The following CEP128 variants were observed in gnomAD, a reference collection of about 807,000 sequenced individuals.
CEP128 encodes centrosomal protein 128.
CEP128 carries 132 observed loss-of-function variants against 156.7 expected under a neutral mutation model. That is an observed-to-expected ratio of 0.84 (90% CI 0.73 to 0.97). CEP128 has a LOEUF of 0.97. CEP128 is among the 50% of genes least tolerant of loss of function. The pLI, the probability that CEP128 is intolerant of heterozygous loss-of-function variation, is 0.00. For synonymous variants in CEP128, 469 were observed against 448.9 expected (o/e 1.04, Z -0.57); for missense variants, 1,252 against 1,281.9 (o/e 0.98, Z 0.36).
downstream of CEP128, among the ~76,000 whole-genome samples, chr14:80,486,280 T>C (rs1887163173): frequency 6.6e-6 from 1 of 151,562 alleles, no homozygotes; most frequent in East Asian, 1.9e-4. Context: ...TGATGGAAGA[T>C]GAAATGAACG....
chr14:80,487,455 T>C (rs1317368354), downstream of CEP128, among the ~76,000 whole-genome samples: 9 of 152,116 alleles, frequency 5.9e-5, no homozygotes, highest in Non-Finnish European at 1.0e-4. Context: ...CTGTCAACAT[T>C]AGACAGATCA....
At chr14:80,819,169 C>T (rs913752854) in intron 13 of CEP128, among the ~76,000 whole-genome samples, 5 of 151,374 alleles carry the variant, frequency 3.3e-5, no homozygotes, top group Admixed American at 2.0e-4. Context: ...CTTCTTTGAG[C>T]TGCAGACCGA....
rs563430867 is a variant in CEP128 at position 80,518,265 on chromosome 14, G to C, written c.3072+8604C>G. Among the ~76,000 whole-genome samples the C allele has an allele frequency of 6.6e-5, 10 of 151,482 alleles. No individual in the cohort carries two copies. In the Middle Eastern group the frequency reaches 0.017, roughly 258 times the overall value. On this transcript the variant is annotated intron_variant, in intron 23 of 24. Coordinates refer to ENST00000555265, the MANE Select transcript of CEP128 (RefSeq NM_152446.5). ...AGCTCTCTTTACTACCTGACTGGTC[G>C]GGTGTGAGCTAAGTTGCAAGCCCCG...
At chr14:80,715,846 T>C (rs1388794389) in intron 19 of CEP128, among the ~76,000 whole-genome samples, 1 of 152,058 alleles carries the variant, frequency 6.6e-6, no homozygotes, top group Non-Finnish European at 1.5e-5. Context: ...CCTCAAAGAG[T>C]TGTGGTAAGG....
chr14:80,844,048 C>T lies in CEP128; in HGVS notation c.763-3280G>A, dbSNP rs77162662. ...ATGTTCTTTGAATTTCTAAATTATG[C>T]TTTTTCTCAAATCAAATTAGAGATT... is the stretch of plus-strand genomic sequence containing the variant. On this transcript the variant is annotated intron_variant, in intron 9 of 24. Transcript: ENST00000555265. Among the ~76,000 whole-genome samples, 70 of 151,930 alleles carry T rather than the reference C, an allele frequency of 4.6e-4. No individual in the cohort carries two copies. The East Asian group carries it at 0.011, about 24-fold the overall frequency.
intron 14 of CEP128, among the ~76,000 whole-genome samples, chr14:80,792,317 T>C (rs1220121775): frequency 6.6e-6 from 1 of 152,250 alleles, no homozygotes; most frequent in African/African-American, 2.4e-5. Context: ...TAAATGGCCC[T>C]AGTAACTACT....
At chr14:80,617,219 CTTTTTTTTTTTT>C (rs3069115) in intron 19 of CEP128, among the ~76,000 whole-genome samples, 10 of 60,226 alleles carry the variant, frequency 1.7e-4, no homozygotes, top group Admixed American at 5.9e-4. Flanking sequence ...TGAATATCAT[CTTTTTTTTTTTT>C]TTTTTTTTTT....
intron 19 of CEP128, among the ~76,000 whole-genome samples, chr14:80,673,706 G>T (rs1895949018): frequency 7.2e-6 from 1 of 139,774 alleles, no homozygotes; most frequent in Non-Finnish European, 1.5e-5. Flanking sequence ...ATTCGGAAAC[G>T]TAAAACCGCT....
At chr14:80,817,692 C>G (rs1215633777) in intron 13 of CEP128, among the ~76,000 whole-genome samples, 1 of 152,078 alleles carries the variant, frequency 6.6e-6, no homozygotes, top group Non-Finnish European at 1.5e-5. Flanking sequence ...GCCATCCTGG[C>G]CAACGTGATG....
intron 18 of CEP128, among the ~76,000 whole-genome samples, chr14:80,753,839 A>C (rs913679487): frequency 6.6e-6 from 1 of 152,138 alleles, no homozygotes; most frequent in Non-Finnish European, 1.5e-5. Context: ...AATCCTGGAA[A>C]TCTCTTTCTC....
intron 6 of CEP128, among the ~76,000 whole-genome samples, chr14:80,902,322 A>C (rs1883619870): frequency 6.6e-6 from 1 of 152,212 alleles, no homozygotes; most frequent in Non-Finnish European, 1.5e-5. Flanking sequence ...GTAAATGAAT[A>C]ATGTTAAGAT....
chr14:80,534,226 CTTTTTT>C (rs35555388), intron 21 of CEP128, among the ~76,000 whole-genome samples: 5 of 150,180 alleles, frequency 3.3e-5, no homozygotes, highest in African/African-American at 1.2e-4. Context: ...AACATTGCAA[CTTTTTT>C]TTTTTTAATT....
intron 8 of CEP128, among the ~76,000 whole-genome samples, chr14:80,874,655 T>C (rs1398998178): frequency 6.6e-6 from 1 of 152,168 alleles, no homozygotes; most frequent in African/African-American, 2.4e-5. Flanking sequence ...TCTCGCTCTG[T>C]CGCCCAGGCT....
intron 6 of CEP128, among the ~76,000 whole-genome samples, chr14:80,901,171 A>G (rs1883541186): frequency 6.6e-6 from 1 of 151,582 alleles, no homozygotes; most frequent in Admixed American, 6.6e-5. Flanking sequence ...GCGCCACTGC[A>G]CTCCAGCCTG....
At chr14:80,749,474 A>G (rs1413404172) in intron 18 of CEP128, among the ~76,000 whole-genome samples, 1 of 152,196 alleles carries the variant, frequency 6.6e-6, no homozygotes, top group Non-Finnish European at 1.5e-5. Flanking sequence ...TGTCATCTGC[A>G]ACAACATTTA....
intron 19 of CEP128, among the ~76,000 whole-genome samples, chr14:80,619,610 G>A (rs1199217532): frequency 3.3e-5 from 5 of 151,232 alleles, no homozygotes; most frequent in Non-Finnish European, 5.9e-5. Context: ...GCTGAGGCAG[G>A]AGAATCACTT....
intron 14 of CEP128, among the ~76,000 whole-genome samples, chr14:80,789,369 T>C (rs190863546): frequency 6.6e-6 from 1 of 152,018 alleles, no homozygotes; most frequent in Admixed American, 6.6e-5. Context: ...CATGAAACAA[T>C]TACAGATGAA....
chr14:80,774,363 C>T (rs981228004), intron 16 of CEP128, among the ~76,000 whole-genome samples: 1 of 152,118 alleles, frequency 6.6e-6, no homozygotes, highest in South Asian at 2.1e-4. Context: ...TGCAAAAATA[C>T]CACCTTGTTA....
intron 9 of CEP128, among the ~76,000 whole-genome samples, chr14:80,856,233 C>G (rs561630068): frequency 6.6e-6 from 1 of 152,240 alleles, no homozygotes; most frequent in Admixed American, 6.5e-5. Flanking sequence ...ATGCCCTTGC[C>G]TATCCCACAG....
Sources: allele counts gnomAD v4.1 joint callset (sites outside exome capture counted in the v4.1 genomes callset), GRCh38; gene constraint gnomAD v4.1.1; transcripts MANE v1.5; gene names NCBI Gene and HGNC (gene_info 2026-07-23, HGNC 2026-07-21).